SIK3: variants seen among roughly 807,000 people sequenced by gnomAD.
SIK3 encodes the protein serine/threonine-protein kinase SIK3.
SIK3 carries 28 observed loss-of-function variants against 144.2 expected under a neutral mutation model. The observed-to-expected ratio is 0.19, with a 90% CI of 0.14 to 0.27. The LOEUF is 0.27. SIK3 is among the 10% of genes least tolerant of loss of function. The probability of loss-of-function intolerance (pLI) is 1.00; values close to 1 mark genes in which losing one functional copy is unlikely to be tolerated. For synonymous variants in SIK3, 686 were observed against 676.3 expected (o/e 1.01, Z -0.22); for missense variants, 1,319 against 1,776.0 (o/e 0.74, Z 4.62).
At chr11:116,965,656 G>A (rs945684584) in intron 1 of SIK3, among the ~76,000 whole-genome samples, 8 of 123,326 alleles carry the variant, frequency 6.5e-5, no homozygotes, top group Non-Finnish European at 1.2e-4. Flanking sequence ...CACTTTGGGA[G>A]GCTGAGGCGG....
intron 2 of SIK3, 24 bp from the exon 3 acceptor site, chr11:116,954,131 C>CAA: frequency 1.2e-6 from 2 of 1,602,676 alleles, no homozygotes; most frequent in South Asian, 2.2e-5. Flanking sequence ...AGGAAAGTGA[C>CAA]AGACAGTGAC....
chr11:116,950,346 T>G (rs1236865199), intron 3 of SIK3: 3 of 328,062 alleles, frequency 9.1e-6, no homozygotes, highest in South Asian at 6.8e-5. Flanking sequence ...TCGAATAAAC[T>G]TCTGCACTAG....
intron 1 of SIK3, among the ~76,000 whole-genome samples, chr11:117,021,869 A>G (rs1302361504): frequency 7.1e-6 from 1 of 141,134 alleles, no homozygotes; most frequent in African/African-American, 2.6e-5. Context: ...AGGCAGGAAG[A>G]TCATTTCAGC....
chr11:117,006,630 T>G (rs1452760537), intron 1 of SIK3, among the ~76,000 whole-genome samples: 1 of 151,336 alleles, frequency 6.6e-6, no homozygotes. Context: ...AGACCCTATC[T>G]CTGTGTTTAA....
chr11:116,872,176 C>T lies in SIK3; in HGVS notation c.1737+1305G>A, dbSNP rs1158545835. Among the ~76,000 whole-genome samples the T allele has an allele frequency of 3.9e-5, 6 of 152,124 alleles. No individual in the cohort carries two copies. In the South Asian group the frequency reaches 1.2e-3, roughly 32 times the overall value. On this transcript the variant is annotated intron_variant, in intron 13 of 24. Transcript: ENST00000445177. ...CAGACACCAAGAACAGAAAATATTT[C>T]AAGGAAAAAAGAAGTCAACAGTGAT...
At chr11:116,969,444 G>A (rs1236310121) in intron 1 of SIK3, among the ~76,000 whole-genome samples, 3 of 152,020 alleles carry the variant, frequency 2.0e-5, no homozygotes, top group Non-Finnish European at 4.4e-5. Flanking sequence ...GAAGTAAAAT[G>A]TTAATTGATA....
intron 1 of SIK3, among the ~76,000 whole-genome samples, chr11:117,004,223 G>C (rs1950958995): frequency 6.6e-6 from 1 of 152,078 alleles, no homozygotes; most frequent in African/African-American, 2.4e-5. Context: ...GGTTGATAAA[G>C]GTAACTAAAG....
chr11:117,082,901 A>G (rs1954849394), intron 1 of SIK3, among the ~76,000 whole-genome samples: 1 of 152,174 alleles, frequency 6.6e-6, no homozygotes, highest in South Asian at 2.1e-4. Context: ...TTCCCGCACC[A>G]GTCTCAGTTC....
intron 1 of SIK3, among the ~76,000 whole-genome samples, chr11:117,071,020 C>A (rs1040135267): frequency 6.6e-6 from 1 of 151,920 alleles, no homozygotes; most frequent in African/African-American, 2.4e-5. Context: ...TGAGCCACTG[C>A]GGCCAGCCCA....
chr11:116,982,900 C>G (rs1950194490), intron 1 of SIK3, among the ~76,000 whole-genome samples: 1 of 128,570 alleles, frequency 7.8e-6, no homozygotes, highest in South Asian at 2.5e-4. Context: ...GCTCAGATCA[C>G]ACCACTGCAC....
chr11:116,976,180 T>C (rs577464497), intron 1 of SIK3, among the ~76,000 whole-genome samples: 3 of 152,252 alleles, frequency 2.0e-5, no homozygotes, highest in Admixed American at 1.3e-4. Flanking sequence ...TCTGATGGTA[T>C]TGTCTGCAGA....
At chr11:117,083,126 T>G (rs949872615) in intron 1 of SIK3, among the ~76,000 whole-genome samples, 1 of 152,224 alleles carries the variant, frequency 6.6e-6, no homozygotes, top group Admixed American at 6.5e-5. Flanking sequence ...ACCTCACTGC[T>G]ATACGAGGTT....
chr11:116,872,846 C>T (rs907968095), intron 13 of SIK3, among the ~76,000 whole-genome samples: 1 of 152,040 alleles, frequency 6.6e-6, no homozygotes, highest in Admixed American at 6.5e-5. Flanking sequence ...TATTTACTAC[C>T]CAATCTTATG....
intron 1 of SIK3, among the ~76,000 whole-genome samples, chr11:117,003,331 A>C (rs896229170): frequency 1.3e-5 from 2 of 152,224 alleles, no homozygotes; most frequent in East Asian, 3.8e-4. Context: ...AGCTTGACTC[A>C]GGCAGATCTG....
chr11:116,984,684 A>C (rs551510506), intron 1 of SIK3, among the ~76,000 whole-genome samples: 57 of 147,548 alleles, frequency 3.9e-4, no homozygotes, highest in Non-Finnish European at 7.3e-4. Flanking sequence ...ATAAGTTGGA[A>C]AAAAAGCAAC....
At chr11:117,018,873 G>A (rs1328117517) in intron 1 of SIK3, among the ~76,000 whole-genome samples, 4 of 151,688 alleles carry the variant, frequency 2.6e-5, no homozygotes, top group African/African-American at 9.7e-5. Context: ...CACCATGCCC[G>A]GCTAATTTTT....
In SIK3 at chr11:116,897,304, A is replaced by G. The variant is rs1565424061; in HGVS notation, c.630T>C (p.Ser210=). 1 of 1,613,626 alleles carries G rather than the reference A, an allele frequency of 6.2e-7. No homozygotes were observed. Among genetic ancestry groups the G allele is most frequent in the South Asian group, 1.1e-5 (1 of 90,994 alleles). Residue 210 remains serine (S), a synonymous_variant, in exon 5 of 25, where the codon AGT becomes AGC. Coordinates refer to ENST00000445177, the MANE Select transcript of SIK3 (RefSeq NM_001366686.3). The stretch of plus-strand genomic sequence containing the variant: ...GCAGCTGCCCAGGAGTGAAGAGGTT[A>G]CTGAAACCAAAATCTAGAAAGGCAA... The part of the protein sequence containing the change: ...LNIKIADFGF[S]NLFTPGQLLK...
chr11:116,930,280 T>C (rs1317899018), intron 3 of SIK3, among the ~76,000 whole-genome samples: 1 of 152,122 alleles, frequency 6.6e-6, no homozygotes, highest in Non-Finnish European at 1.5e-5. Flanking sequence ...ATTGGTTTGC[T>C]TTCACTGTAA....
chr11:117,052,381 T>C (rs767425804), intron 1 of SIK3, among the ~76,000 whole-genome samples: 1 of 152,166 alleles, frequency 6.6e-6, no homozygotes, highest in Non-Finnish European at 1.5e-5. Context: ...ACTATTGCAG[T>C]AGCCCAGGCA....
Sources: gnomAD v4.1 joint callset for allele counts (sites outside exome capture counted in the v4.1 genomes callset) on GRCh38, gnomAD v4.1.1 for gene constraint, MANE v1.5 for transcripts, NCBI Gene and HGNC (gene_info 2026-07-23, HGNC 2026-07-21) for gene names.